TPRG1: variants seen among roughly 807,000 people sequenced by gnomAD.
TPRG1 encodes tumor protein p63 regulated 1.
A neutral mutation model predicts 29.3 loss-of-function variants in TPRG1; 29 were observed. The ratio of observed to expected loss-of-function variants is 0.99; its 90% CI spans 0.74 to 1.35. TPRG1 has a LOEUF of 1.35. Among genes scored for constraint, TPRG1 ranks in the 40% most tolerant of loss-of-function variants. TPRG1 has a pLI of 0.00. For synonymous variants in TPRG1, 130 were observed against 116.8 expected, an observed-to-expected ratio of 1.11 and a Z score of -0.73; for missense variants, 327 against 335.0, an observed-to-expected ratio of 0.98 and a Z score of 0.19.
At chr3:189,232,414 G>A (rs1373477691) in intron 3 of TPRG1, among the ~76,000 whole-genome samples, 3 of 152,124 alleles carry the variant, frequency 2.0e-5, no homozygotes, top group African/African-American at 7.2e-5. Context: ...CTTTTTCAAG[G>A]GCATCGAATA....
chr3:189,063,391 TGAACCACAC>T (rs1347399718), intron 4 of TPRG1, among the ~76,000 whole-genome samples: 1 of 152,068 alleles, frequency 6.6e-6, no homozygotes, highest in Non-Finnish European at 1.5e-5. Flanking sequence ...TTAAAAGATA[TGAACCACAC>T]AATTATTCAC....
chr3:189,143,493 A>C (rs1270349522), intron 3 of TPRG1, among the ~76,000 whole-genome samples: 1 of 152,220 alleles, frequency 6.6e-6, no homozygotes, highest in Non-Finnish European at 1.5e-5. Flanking sequence ...TGGAAGCTGG[A>C]TGCATATTTG....
intron 1 of TPRG1, among the ~76,000 whole-genome samples, chr3:189,123,239 A>G (rs1722040428): frequency 6.6e-6 from 1 of 152,234 alleles, no homozygotes; most frequent in African/African-American, 2.4e-5. Flanking sequence ...AGAGAGTTAT[A>G]TAATTTTATG....
chr3:189,019,156 A>G (rs557597524), intron 3 of TPRG1, among the ~76,000 whole-genome samples: 150 of 151,270 alleles, frequency 9.9e-4, no homozygotes, highest in Middle Eastern at 3.4e-3. Context: ...TTTTCTAGAT[A>G]TACAATCATG....
chr3:189,165,094 A>C lies in TPRG1; in HGVS notation c.-10+14222A>C, dbSNP rs148575386. 4.6e-5 allele frequency among the ~76,000 whole-genome samples: 7 copies of C among 152,306 alleles called. No homozygotes were observed. In the East Asian group the frequency reaches 1.2e-3, roughly 25 times the overall value. ...CCTCTTTCATGTGTAGTAAGTCAGC[A>C]AGAGTACAGATATCCAGCTATGAGG... On this transcript the variant is annotated intron_variant, in intron 5 of 6. Transcript: ENST00000412373.
rs759786419 is a variant in TPRG1, at chr3:189,321,095, A to G, written c.*275A>G. ...TTATCAAATGAGTGCCTGATCATCA[A>G]CTCAGGAAAGAAGACTCTAAGTCCT... On this transcript the variant is annotated 3_prime_UTR_variant, in exon 6 of 6. Coordinates refer to ENST00000345063, the MANE Select transcript of TPRG1 (RefSeq NM_198485.4). The G allele has an allele frequency of 3.7e-5, 10 of 273,856 alleles. No homozygotes were observed. The highest frequency in any genetic ancestry group is 6.7e-5 in the Non-Finnish European group (10 of 148,650). The allele number at this position is 273,856 out of a possible 1,614,324, so 17.0% of individuals were successfully genotyped here. A position where few individuals can be genotyped will look rare whatever the true frequency, so the allele number is the denominator to read the frequency against.
chr3:189,192,360 A>G (rs1175132928), intron 1 of TPRG1, among the ~76,000 whole-genome samples: 3 of 152,198 alleles, frequency 2.0e-5, no homozygotes, highest in South Asian at 2.1e-4. Flanking sequence ...CTAATACATA[A>G]TGAATGCTTT....
chr3:189,094,126 A>G (rs1183292804), intron 4 of TPRG1, among the ~76,000 whole-genome samples: 2 of 152,192 alleles, frequency 1.3e-5, no homozygotes, highest in East Asian at 1.9e-4. Flanking sequence ...ATTCCATGAA[A>G]TTCTTGGGTT....
chr3:189,304,179 TAATTTATTGGGGGTAGAA>T (rs1348679721), intron 4 of TPRG1, among the ~76,000 whole-genome samples: 1 of 151,986 alleles, frequency 6.6e-6, no homozygotes. Flanking sequence ...GCATAGATCT[TAATTTATTGGGGGTAGAA>T]AAGGATCTTA....
chr3:189,089,103 A>G (rs1038735201), intron 4 of TPRG1, among the ~76,000 whole-genome samples: 4 of 152,152 alleles, frequency 2.6e-5, no homozygotes, highest in Admixed American at 1.3e-4. Flanking sequence ...CTTAAGTCCA[A>G]TTGAATGATT....
At chr3:189,070,669 A>G (rs1035509921) in intron 4 of TPRG1, among the ~76,000 whole-genome samples, 20 of 152,204 alleles carry the variant, frequency 1.3e-4, no homozygotes, top group African/African-American at 4.3e-4. Context: ...ACAATACGAC[A>G]GTTTTATTAA....
intron 5 of TPRG1, among the ~76,000 whole-genome samples, chr3:189,153,402 T>G (rs1423648127): frequency 1.3e-5 from 2 of 152,212 alleles, no homozygotes; most frequent in Non-Finnish European, 2.9e-5. Context: ...TAAGCAAGAA[T>G]GTAATCATAG....
chr3:189,099,866 C>T (rs1718980763), upstream of TPRG1, among the ~76,000 whole-genome samples: 1 of 152,092 alleles, frequency 6.6e-6, no homozygotes, highest in African/African-American at 2.4e-5. Flanking sequence ...TTTCTGAATT[C>T]CAAACACTTA....
At chr3:189,121,018 C>G (rs912846114) in intron 1 of TPRG1, among the ~76,000 whole-genome samples, 1 of 152,144 alleles carries the variant, frequency 6.6e-6, no homozygotes, top group African/African-American at 2.4e-5. Context: ...CGCAGTACTA[C>G]ATTGAGCAAA....
chr3:189,033,856 G>A (rs771028300), intron 4 of TPRG1, among the ~76,000 whole-genome samples: 7 of 152,060 alleles, frequency 4.6e-5, no homozygotes, highest in Non-Finnish European at 7.4e-5. Flanking sequence ...GATTACAGGC[G>A]TGAGCCACCG....
chr3:189,190,420 G>A (rs140182939), intron 1 of TPRG1, among the ~76,000 whole-genome samples: 18 of 152,088 alleles, frequency 1.2e-4, no homozygotes, highest in African/African-American at 3.9e-4. Context: ...TAAACACATC[G>A]CCTCTCCTCC....
intron 4 of TPRG1, among the ~76,000 whole-genome samples, chr3:189,069,093 A>G (rs1335996151): frequency 6.6e-6 from 1 of 152,244 alleles, no homozygotes. Flanking sequence ...AAAACTGGAA[A>G]CAATTCAGAT....
At chr3:189,161,679 C>G (rs995012884) in intron 5 of TPRG1, among the ~76,000 whole-genome samples, 10 of 152,166 alleles carry the variant, frequency 6.6e-5, no homozygotes, top group Non-Finnish European at 1.3e-4. Context: ...TATTAAATAT[C>G]TATTATATGC....
At chr3:189,297,734 G>A (rs1486021102) in intron 4 of TPRG1, among the ~76,000 whole-genome samples, 1 of 152,168 alleles carries the variant, frequency 6.6e-6, no homozygotes, top group East Asian at 1.9e-4. Flanking sequence ...GCTTGTGCGA[G>A]TTTTTCCAAT....
Sources: gnomAD v4.1 joint callset for allele counts (sites outside exome capture counted in the v4.1 genomes callset) on GRCh38, gnomAD v4.1.1 for gene constraint, MANE v1.5 for transcripts, NCBI Gene and HGNC (gene_info 2026-07-23, HGNC 2026-07-21) for gene names.